The following ASH1L variants were observed in gnomAD, a reference collection of about 807,000 sequenced individuals.
The protein encoded by ASH1L is histone-lysine N-methyltransferase ASH1L.
A neutral mutation model predicts 269.0 loss-of-function variants in ASH1L; 23 were observed. The ratio of observed to expected loss-of-function variants is 0.09; its 90% CI spans 0.06 to 0.12. The LOEUF (loss-of-function observed/expected upper bound fraction) is 0.12. ASH1L is among the 10% of genes least tolerant of loss of function. The pLI is 1.00. For synonymous variants in ASH1L, 1,187 were observed against 1,253.5 expected (o/e 0.95, Z 1.12); for missense variants, 2,912 against 3,567.8 (o/e 0.82, Z 4.68).
rs368800129 is a variant in ASH1L, at chr1:155,411,586, A to AATATAT, written c.6008+4152_6008+4157dup. ...AAATATGAATATAAATAAATAAATA[A>AATATAT]ATATATATATATATATATATATATA... On this transcript the variant is annotated intron_variant, in intron 6 of 27. Coordinates refer to ENST00000392403, the MANE Select transcript of ASH1L (RefSeq NM_018489.3). 8.1e-3 allele frequency among the ~76,000 whole-genome samples: 444 copies of AATATAT among 55,118 alleles called. 23 individuals carry two copies. The highest frequency in any genetic ancestry group is 0.024 in the African/African-American group (302 of 12,632). 36.2% of individuals were successfully genotyped at this position (55,118 alleles called of 152,430 possible). A position where few individuals can be genotyped will look rare whatever the true frequency, so the allele number is the denominator to read the frequency against.
At position 155,480,378 on chromosome 1, in the gene ASH1L, G is replaced by C. The variant is rs1665864752; in HGVS notation, c.2492C>G (p.Pro831Arg). The change falls in exon 3 of 28, where the codon CCT becomes CGT. Residue 831 changes from proline (P) to arginine (R), a missense_variant. Pro to Arg is a moderately radical substitution (Grantham distance 103). Around this residue, in one of 13 missense-constraint regions of ASH1L, gnomAD observed 715 missense variants for 721.0 expected, o/e 0.99. Transcript: ENST00000392403. ...SDIYKPKRGR[P>R]KSKEMPQLEG... The stretch of plus-strand genomic sequence containing the variant: ...CAGTTGAGGCATCTCCTTAGATTTA[G>C]GCCTTCCTCTTTTGGGCTTATAAAT... 6.8e-6 allele frequency: 11 copies of C among 1,613,950 alleles called. No homozygotes were observed. Among genetic ancestry groups the C allele is most frequent in the Non-Finnish European group, 8.5e-6 (10 of 1,179,882 alleles).
intron 7 of ASH1L, among the ~76,000 whole-genome samples, chr1:155,381,628 A>C (rs922244843): frequency 6.6e-6 from 1 of 152,116 alleles, no homozygotes; most frequent in Non-Finnish European, 1.5e-5. Flanking sequence ...TCCCAACAAC[A>C]CTTTGGGAGG....
At chr1:155,510,579 G>T (rs1398692189) in intron 2 of ASH1L, among the ~76,000 whole-genome samples, 1 of 152,090 alleles carries the variant, frequency 6.6e-6, no homozygotes, top group African/African-American at 2.4e-5. Flanking sequence ...AATGGGGAAA[G>T]AACATGTATG....
intron 5 of ASH1L, chr1:155,419,650 T>C (rs1660509694): frequency 1.3e-5 from 2 of 152,318 alleles, no homozygotes; most frequent in South Asian, 2.1e-4. Flanking sequence ...GTACTGGCAA[T>C]GACCAGGCAG....
chr1:155,459,942 T>C lies in ASH1L; in HGVS notation c.4985-44A>G, dbSNP rs1664166632. The C allele has an allele frequency of 2.8e-6, 4 of 1,434,706 alleles. No homozygotes were observed. In the African/African-American group the frequency reaches 5.7e-5, roughly 20 times the overall value. The allele number at this position is 1,434,706 out of a possible 1,614,324, so 88.9% of individuals were successfully genotyped here. A position where few individuals can be genotyped will look rare whatever the true frequency, so the allele number is the denominator to read the frequency against. The stretch of plus-strand genomic sequence containing the variant: ...ATAGAAATCATAGGAAAATTCAACT[T>C]TAAAAATAATGTGAAACCATCTTTT... On this transcript the variant is annotated intron_variant, in intron 3 of 27. Transcript: ENST00000392403.
intron 1 of ASH1L, among the ~76,000 whole-genome samples, chr1:155,553,896 A>G (rs1671391429): frequency 6.6e-6 from 1 of 151,536 alleles, no homozygotes; most frequent in South Asian, 2.1e-4. Context: ...ACCCAGGTTC[A>G]AGCAATTCTA....
At chr1:155,498,916 GT>G (rs1667329185) in intron 2 of ASH1L, among the ~76,000 whole-genome samples, 1 of 116,178 alleles carries the variant, frequency 8.6e-6, no homozygotes, top group Non-Finnish European at 1.8e-5. Context: ...GAGAACAGGA[GT>G]AAAAAAAAAA....
chr1:155,344,215 C>G lies in ASH1L; in HGVS notation c.7949G>C (p.Cys2650Ser), dbSNP rs1653041867. 2.5e-6 allele frequency: 4 copies of G among 1,614,068 alleles called. No homozygotes were observed. Among genetic ancestry groups the G allele is most frequent in the Non-Finnish European group, 3.4e-6 (4 of 1,180,020 alleles). ...YAQPGCVYFI[C>S]LLRDDLLLRQ... is the part of the protein sequence containing the mutation. The stretch of plus-strand genomic sequence containing the variant: ...AAGCAGCAAGTCATCTCGGAGCAAA[C>G]AGATGAAGTAGACACAGCCAGGTTG... The change falls in exon 22 of 28, where the codon TGT becomes TCT. Residue 2650 changes from cysteine (C) to serine (S), a missense_variant. Physicochemically the swap from Cys to Ser is moderately radical, Grantham distance 112. Coordinates refer to ENST00000392403, the MANE Select transcript of ASH1L (RefSeq NM_018489.3).
In ASH1L at chr1:155,354,578, G is replaced by A. The variant is rs1654203534; in HGVS notation, c.7108C>T (p.Arg2370Cys). 7 of 1,613,696 alleles carry A rather than the reference G, an allele frequency of 4.3e-6. No homozygotes were observed. Among genetic ancestry groups the A allele is most frequent in the South Asian group, 2.2e-5 (2 of 90,988 alleles). Residue 2370 changes from arginine to cysteine, a missense_variant, in exon 16 of 28, where the codon CGT becomes TGT. By Grantham distance (180) the Arg-to-Cys change is radical. This residue lies in a region of ASH1L where 309 missense variants were observed against 435.1 expected (regional missense o/e 0.71). Transcript: ENST00000392403. ...TGCTTTACTTCCTCCTGTTTTTGAC[G>A]AATCTTCTCCCAGTTTCGGACCAAG... ...VFLVRNWEKI[R>C]QKQEEVKHTS... is the part of the protein sequence containing the mutation.
intron 1 of ASH1L, among the ~76,000 whole-genome samples, chr1:155,553,057 TAC>T (rs775834184): frequency 2.0e-5 from 3 of 152,180 alleles, no homozygotes; most frequent in African/African-American, 7.2e-5. Flanking sequence ...TGCTCAAAAT[TAC>T]AGTCAATAAG....
In ASH1L at chr1:155,396,886, C is replaced by G. The variant is rs545039966; in HGVS notation, c.6009-1333G>C. 2.0e-5 allele frequency: 3 copies of G among 150,042 alleles called. No homozygotes were observed. In the Admixed American group the frequency reaches 2.0e-4, roughly 10 times the overall value. 9.3% of individuals were successfully genotyped at this position (150,042 alleles called of 1,614,324 possible). ...CTGAGGCAGGAGAATTGCTTGAACC[C>G]AGGAGGCAGAGGTTGCAGTGAGCCG... On this transcript the variant is annotated intron_variant, in intron 6 of 27. Transcript: ENST00000392403.
At chr1:155,515,677 A>T (rs1331869796) in intron 2 of ASH1L, among the ~76,000 whole-genome samples, 1 of 151,746 alleles carries the variant, frequency 6.6e-6, no homozygotes, top group Non-Finnish European at 1.5e-5. Flanking sequence ...AAAATACAAA[A>T]ATTAGCCAGG....
At chr1:155,524,761 G>C (rs1261094263) in intron 1 of ASH1L, among the ~76,000 whole-genome samples, 1 of 151,900 alleles carries the variant, frequency 6.6e-6, no homozygotes, top group Admixed American at 6.6e-5. Flanking sequence ...GATGGTTTGA[G>C]CCCAGGAAGT....
chr1:155,383,743 T>C (rs762130902), intron 7 of ASH1L, among the ~76,000 whole-genome samples: 5 of 152,058 alleles, frequency 3.3e-5, no homozygotes, highest in East Asian at 1.9e-4. Context: ...TTCAAAGAAA[T>C]AGACAGTGAT....
rs1666629119 is a variant in ASH1L, at chr1:155,489,795, A to AAATAAAT, written c.421-7347_421-7346insATTTATT. On this transcript the variant is annotated intron_variant, in intron 2 of 27. Transcript: ENST00000392403. ...TAAATAAATGGGGAGACACTGTCTC[A>AAATAAAT]AAATAAATAAATAAATAAATAAATA... Among the ~76,000 whole-genome samples the AAATAAAT allele has an allele frequency of 4.8e-3, 684 of 141,552 alleles. 8 individuals carry two copies. Among genetic ancestry groups the AAATAAAT allele is most frequent in the African/African-American group, 0.017 (649 of 38,258 alleles). 92.9% of individuals were successfully genotyped at this position (141,552 alleles called of 152,430 possible). A position where few individuals can be genotyped will look rare whatever the true frequency, so the allele number is the denominator to read the frequency against.
chr1:155,542,324 C>T (rs1466096991), intron 1 of ASH1L, among the ~76,000 whole-genome samples: 2 of 151,950 alleles, frequency 1.3e-5, no homozygotes, highest in South Asian at 2.1e-4. Context: ...CTGAGGCGGG[C>T]GGATCACGAG....
chr1:155,406,622 G>C (rs1244450386), intron 6 of ASH1L, among the ~76,000 whole-genome samples: 3 of 152,162 alleles, frequency 2.0e-5, no homozygotes, highest in African/African-American at 7.2e-5. Context: ...AGGATGGTTT[G>C]AGCCTGGGAG....
At chr1:155,433,980 T>C (rs1271087238) in intron 5 of ASH1L, 2 of 1,583,120 alleles carry the variant, frequency 1.3e-6, no homozygotes, top group South Asian at 1.1e-5. Context: ...GCCCAGCAGC[T>C]TGGGCTCGAG....
chr1:155,417,953 C>G (rs933558057), intron 5 of ASH1L, among the ~76,000 whole-genome samples: 1 of 147,996 alleles, frequency 6.8e-6, no homozygotes, highest in African/African-American at 2.5e-5. Flanking sequence ...AGCAAAACTC[C>G]GTCTCAAAAA....
Sources: gnomAD v4.1 joint callset for allele counts (sites outside exome capture counted in the v4.1 genomes callset) on GRCh38, gnomAD v4.1.1 for gene constraint, gnomAD v4.1.1 regional missense constraint, MANE v1.5 for transcripts, NCBI Gene and HGNC (gene_info 2026-07-23, HGNC 2026-07-21) for gene names.